PCSK6: variants seen among roughly 807,000 people sequenced by gnomAD.
PCSK6 encodes the protein paired basic amino acid cleaving enzyme 4.
A neutral mutation model predicts 123.3 loss-of-function variants in PCSK6; 85 were observed. The observed-to-expected ratio is 0.69, with a 90% CI of 0.58 to 0.83. The LOEUF is 0.83. Among genes scored for constraint, PCSK6 ranks in the 40% least tolerant of loss-of-function variants. The pLI, the probability that PCSK6 is intolerant of heterozygous loss-of-function variation, is 0.00. For missense variants in PCSK6, 1,191 were observed against 1,282.3 expected, an observed-to-expected ratio of 0.93 and a Z score of 1.09; for synonymous variants, 508 against 516.0, an observed-to-expected ratio of 0.98 and a Z score of 0.21.
rs569597028 is a variant in PCSK6, at chr15:101,332,121, CT to C, written c.1859-91del. 2.8e-5 allele frequency: 35 copies of C among 1,231,082 alleles called. No individual in the cohort carries two copies. In the East Asian group the frequency reaches 8.1e-4, roughly 29 times the overall value. The allele number at this position is 1,231,082 out of a possible 1,614,324, so 76.3% of individuals were successfully genotyped here. A position where few individuals can be genotyped will look rare whatever the true frequency, so the allele number is the denominator to read the frequency against. On this transcript the variant is annotated intron_variant, in intron 13 of 21. Coordinates refer to ENST00000611716, the MANE Select transcript of PCSK6 (RefSeq NM_002570.5). The stretch of plus-strand genomic sequence containing the variant: ...AGCCAGATGCTGCCTGGCTCCTCCC[CT>C]GATAGCTGGGCTCTGGCCTGCTACC...
intron 6 of PCSK6, among the ~76,000 whole-genome samples, chr15:101,404,048 GC>G (rs2042695522): frequency 6.6e-6 from 1 of 152,162 alleles, no homozygotes; most frequent in South Asian, 2.1e-4. Context: ...GTTTAATTTT[GC>G]TTGTACTGAG....
At chr15:101,417,842 T>A (rs966440939) in intron 6 of PCSK6, among the ~76,000 whole-genome samples, 5 of 149,816 alleles carry the variant, frequency 3.3e-5, no homozygotes, top group African/African-American at 1.2e-4. Flanking sequence ...CAAAAGCCTG[T>A]TTTTTTTTAT....
At chr15:101,471,921 G>A (rs2057614480) in intron 1 of PCSK6, among the ~76,000 whole-genome samples, 1 of 152,188 alleles carries the variant, frequency 6.6e-6, no homozygotes, top group South Asian at 2.1e-4. Flanking sequence ...TGTTATGCAT[G>A]CTGGTTGTCT....
At chr15:101,347,924 C>T in intron 13 of PCSK6, 1 of 653,186 alleles carries the variant, frequency 1.5e-6, no homozygotes, top group Non-Finnish European at 2.8e-6. Context: ...GCTGCAGCTC[C>T]ACAAAGAAAC....
intron 6 of PCSK6, among the ~76,000 whole-genome samples, chr15:101,418,953 A>G (rs1234401367): frequency 6.6e-6 from 1 of 152,246 alleles, no homozygotes; most frequent in Non-Finnish European, 1.5e-5. Context: ...ATCTAGGAAT[A>G]TAATAAAATT....
At chr15:101,459,117 G>A (rs180763593) in intron 1 of PCSK6, among the ~76,000 whole-genome samples, 5 of 152,132 alleles carry the variant, frequency 3.3e-5, no homozygotes, top group Admixed American at 2.6e-4. Flanking sequence ...TGCTAGCTCC[G>A]CCCACTGAGC....
At position 101,431,321 on chromosome 15, in the gene PCSK6, T is replaced by C; in HGVS notation, c.656A>G (p.Tyr219Cys). 1 of 1,613,980 alleles carries C rather than the reference T, an allele frequency of 6.2e-7. No individual in the cohort carries two copies. The highest frequency in any genetic ancestry group is 8.5e-7 in the Non-Finnish European group (1 of 1,179,856). Residue 219 changes from tyrosine (Y) to cysteine (C), a missense_variant and splice_region_variant, in exon 4 of 22, where the codon TAT (tyrosine) becomes TGT (cysteine). By Grantham distance (194) the Tyr-to-Cys change is radical. Transcript: ENST00000611716. ...ERNHPDLAPN[Y>C]DSYASYDVNG... ...TGTCAGTTCCGAGGATTGACTTACA[T>C]AATTTGGGGCCAGGTCAGGGTGATT...
intron 1 of PCSK6, among the ~76,000 whole-genome samples, chr15:101,480,330 G>A (rs1032684561): frequency 3.3e-5 from 5 of 152,256 alleles, no homozygotes; most frequent in Admixed American, 1.3e-4. Flanking sequence ...GTGCGGCTGG[G>A]CAGAGCCACA....
chr15:101,313,632 C>T (rs1258696111), intron 19 of PCSK6, 127 bp from the exon 20 acceptor site: 2 of 1,406,894 alleles, frequency 1.4e-6, no homozygotes, highest in Admixed American at 4.9e-5. Context: ...ACCACAGCTG[C>T]CATTTCCCAG....
intron 2 of PCSK6, among the ~76,000 whole-genome samples, chr15:101,432,501 T>C (rs1596327517): frequency 6.7e-6 from 1 of 149,572 alleles, no homozygotes; most frequent in African/African-American, 2.5e-5. Flanking sequence ...TGATGGCGCA[T>C]GCCTGTAGTC....
intron 6 of PCSK6, among the ~76,000 whole-genome samples, chr15:101,412,686 G>GA: frequency 9.9e-6 from 1 of 101,250 alleles, no homozygotes; most frequent in African/African-American, 4.9e-5. Context: ...GAGTGAACTG[G>GA]AAAATTATAT....
chr15:101,379,057 G>A (rs1278926692), intron 11 of PCSK6, among the ~76,000 whole-genome samples: 1 of 152,266 alleles, frequency 6.6e-6, no homozygotes, highest in South Asian at 2.1e-4. Flanking sequence ...AGCTCCGCAG[G>A]GGGACACCAT....
In PCSK6 at chr15:101,489,427, G is replaced by A. The variant is rs753160209; in HGVS notation, c.244C>T (p.Pro82Ser). ...GCCGCCACGCGGTCCGCCTCGGCCG[G>A]GCCGCCCAGCACTTGCACCGCCCAG... is the stretch of plus-strand genomic sequence containing the variant. ...NHWAVQVLGG[P>S]AEADRVAAAH... Residue 82 changes from proline (P) to serine (S), a missense_variant, in exon 1 of 22, where the codon CCG becomes TCG. Physicochemically the swap from Pro to Ser is moderately conservative, Grantham distance 74. This residue lies in a region of PCSK6 where 204 missense variants were observed against 166.4 expected (regional missense o/e 1.23). Coordinates refer to ENST00000611716, the MANE Select transcript of PCSK6 (RefSeq NM_002570.5). The A allele has an allele frequency of 8.6e-6, 11 of 1,279,836 alleles. 1 individual carries two copies. Among genetic ancestry groups the A allele is most frequent in the South Asian group, 6.0e-5 (4 of 66,496 alleles). The allele number at this position is 1,279,836 out of a possible 1,614,324, so 79.3% of individuals were successfully genotyped here. A position where few individuals can be genotyped will look rare whatever the true frequency, so the allele number is the denominator to read the frequency against.
At chr15:101,385,849 C>T (rs1426029107) in intron 9 of PCSK6, among the ~76,000 whole-genome samples, 2 of 152,222 alleles carry the variant, frequency 1.3e-5, no homozygotes, top group Non-Finnish European at 2.9e-5. Flanking sequence ...TGTATGGGCT[C>T]ATGGTTCCGG....
In PCSK6 at chr15:101,398,566, C is replaced by A; in HGVS notation, c.834G>T (p.Met278Ile). The A allele has an allele frequency of 6.2e-7, 1 of 1,611,814 alleles. No individual in the cohort carries two copies. The highest frequency in any genetic ancestry group is 8.5e-7 in the Non-Finnish European group (1 of 1,178,798). ...AYNAKIGGIR[M>I]LDGDVTDVVE... The stretch of plus-strand genomic sequence containing the variant: ...CCACATCTGTGACATCGCCGTCCAG[C>A]ATGCGGATGCCTGAAAGCACAGAGG... Residue 278 changes from methionine to isoleucine, a missense_variant, in exon 7 of 22, where the codon ATG becomes ATT. Met to Ile is a conservative substitution (Grantham distance 10). Coordinates refer to ENST00000611716, the MANE Select transcript of PCSK6 (RefSeq NM_002570.5). This position sits in a 1 kb window ranked among gnomAD's most constrained non-coding sequence, Gnocchi z 4.6.
At chr15:101,406,341 G>A (rs978177282) in intron 6 of PCSK6, among the ~76,000 whole-genome samples, 4 of 152,176 alleles carry the variant, frequency 2.6e-5, no homozygotes, top group Admixed American at 2.6e-4. Flanking sequence ...GAGAAGTAAT[G>A]TATTTTGCCT....
rs2058130770 is a variant in PCSK6 at position 101,489,694 on chromosome 15, C to G, written c.-24G>C. On this transcript the variant is annotated 5_prime_UTR_variant, in exon 1 of 22. Transcript: ENST00000611716. Reference sequence around the variant, plus strand: ...ATAGCGGCGACAGGCTCGCGCGGCGCCCGAGCTGCGAGTGCGCCGGGGGGT... The same window carrying G: ...ATAGCGGCGACAGGCTCGCGCGGCGGCCGAGCTGCGAGTGCGCCGGGGGGT... 1 of 964,606 alleles carries G rather than the reference C, an allele frequency of 1.0e-6. No homozygotes were observed. Among genetic ancestry groups the G allele is most frequent in the Non-Finnish European group, 1.2e-6 (1 of 814,116 alleles). 59.8% of individuals were successfully genotyped at this position (964,606 alleles called of 1,614,324 possible).
chr15:101,307,184 A>C, intron 21 of PCSK6, 29 bp downstream of exon 21: 1 of 1,544,998 alleles, frequency 6.5e-7, no homozygotes, highest in Non-Finnish European at 8.9e-7. Context: ...CTCCACAGGC[A>C]GCCCCAGGGT....
At chr15:101,427,822 G>T in intron 6 of PCSK6, 70 bp downstream of exon 6, 2 of 1,238,964 alleles carry the variant, frequency 1.6e-6, no homozygotes, top group Non-Finnish European at 2.3e-6. Flanking sequence ...GCTGAGACCA[G>T]CGGACAGGGA....
Sources: gnomAD v4.1 joint callset for allele counts (sites outside exome capture counted in the v4.1 genomes callset) on GRCh38, gnomAD v4.1.1 for gene constraint, gnomAD v4.1.1 regional missense constraint, Gnocchi (gnomAD v3.1) non-coding constraint, MANE v1.5 for transcripts, NCBI Gene and HGNC (gene_info 2026-07-23, HGNC 2026-07-21) for gene names.